Variants in PCBD2 observed in about 807,000 individuals in gnomAD.
PCBD2 encodes pterin-4 alpha-carbinolamine dehydratase 2, also known as pterin-4-alpha-carbinolamine dehydratase 2.
PCBD2 carries 12 observed loss-of-function variants against 16.4 expected under a neutral mutation model. That is an observed-to-expected ratio of 0.73 (90% CI 0.47 to 1.19). The LOEUF (loss-of-function observed/expected upper bound fraction) is 1.19. PCBD2 is among the 50% of genes most tolerant of loss of function. PCBD2 has a pLI of 0.00. For synonymous variants in PCBD2, 58 were observed against 61.8 expected (o/e 0.94, Z 0.29); for missense variants, 138 against 156.8 (o/e 0.88, Z 0.64).
chr5:134,938,600 A>G (rs1355146976), intron 2 of PCBD2, among the ~76,000 whole-genome samples: 1 of 152,184 alleles, frequency 6.6e-6, no homozygotes, highest in African/African-American at 2.4e-5. Context: ...AGTTTGACTT[A>G]GAATGGAAAT....
chr5:134,923,605 G>A (rs74456169), intron 2 of PCBD2: 1 of 356,816 alleles, frequency 2.8e-6, no homozygotes, highest in East Asian at 4.1e-5. Context: ...GCGGATAGCA[G>A]GTTTGTAATT....
At chr5:134,922,230 A>G (rs1478901658) in intron 2 of PCBD2, among the ~76,000 whole-genome samples, 1 of 151,966 alleles carries the variant, frequency 6.6e-6, no homozygotes, top group Non-Finnish European at 1.5e-5. Context: ...GTTTTTAGAG[A>G]TGGGGTCTTG....
intron 2 of PCBD2, among the ~76,000 whole-genome samples, chr5:134,935,511 T>C (rs1324926318): frequency 6.6e-6 from 1 of 152,232 alleles, no homozygotes; most frequent in Non-Finnish European, 1.5e-5. Flanking sequence ...CATTTATGAA[T>C]GCAATAATGA....
At position 134,906,194 on chromosome 5, in the gene PCBD2, ATTTTTTT is replaced by A. The variant is rs1158334317; in HGVS notation, c.84+992_84+998del. Among the ~76,000 whole-genome samples the A allele has an allele frequency of 1.4e-3, 90 of 66,526 alleles. 1 individual carries two copies. Among genetic ancestry groups the A allele is most frequent in the African/African-American group, 5.7e-3 (83 of 14,666 alleles). The allele number at this position is 66,526 out of a possible 152,430, so 43.6% of individuals were successfully genotyped here. On this transcript the variant is annotated intron_variant, in intron 1 of 3. Coordinates refer to ENST00000254908, the MANE Select transcript of PCBD2 (RefSeq NM_032151.5). ...TGGCCTGAAATTCTTTAATAGAAGA[ATTTTTTT>A]TTTTTTTTTTTTTTTTTTTTGAGAA...
At chr5:134,914,925 G>A (rs1343912237) in intron 2 of PCBD2, among the ~76,000 whole-genome samples, 2 of 152,142 alleles carry the variant, frequency 1.3e-5, no homozygotes, top group South Asian at 4.2e-4. Context: ...TGCCCGCCTC[G>A]GCCTACCAAA....
At chr5:134,941,540 G>T (rs918640639) in intron 2 of PCBD2, among the ~76,000 whole-genome samples, 1 of 152,034 alleles carries the variant, frequency 6.6e-6, no homozygotes, top group Non-Finnish European at 1.5e-5. Context: ...AGATATATTT[G>T]GTATACATGT....
rs58911694 is a variant in PCBD2 at position 134,962,072 on chromosome 5, T to TTGTGTGTGTGTGTGTGTGTG, written c.*1407_*1426dup. Reference sequence around the variant, plus strand: ...CATTGCCCCCAGCCAGTATAACAGTTTGTGTGTGTGTGTGTGTGTGTGTGT... The same window carrying TTGTGTGTGTGTGTGTGTGTG: ...CATTGCCCCCAGCCAGTATAACAGTTTGTGTGTGTGTGTGTGTGTGTGTGTGTGTGTGTGTGTGTGTGTGT... On this transcript the variant is annotated 3_prime_UTR_variant, in exon 4 of 4. Transcript: ENST00000254908. Among the ~76,000 whole-genome samples the TTGTGTGTGTGTGTGTGTGTG allele has an allele frequency of 2.5e-3, 351 of 140,572 alleles. No homozygotes were observed. Among genetic ancestry groups the TTGTGTGTGTGTGTGTGTGTG allele is most frequent in the African/African-American group, 8.9e-3 (331 of 37,044 alleles). The allele number at this position is 140,572 out of a possible 152,430, so 92.2% of individuals were successfully genotyped here. A position where few individuals can be genotyped will look rare whatever the true frequency, so the allele number is the denominator to read the frequency against.
intron 2 of PCBD2, among the ~76,000 whole-genome samples, chr5:134,932,567 C>T (rs1561911420): frequency 6.6e-6 from 1 of 152,140 alleles, no homozygotes. Context: ...GTCTTGAACT[C>T]CTGACCTCAA....
chr5:134,949,433 T>C (rs1448326664), intron 2 of PCBD2, among the ~76,000 whole-genome samples: 1 of 152,172 alleles, frequency 6.6e-6, no homozygotes, highest in East Asian at 1.9e-4. Context: ...GTATATTACA[T>C]GAATTAGCTC....
At chr5:134,928,011 A>G (rs17165405) in intron 2 of PCBD2, 56,406 of 395,698 alleles carry the variant, frequency 0.14, 4,966 homozygotes, top group East Asian at 0.35. Flanking sequence ...TAGTAATATA[A>G]TTGTTGGGAC....
At position 134,910,455 on chromosome 5, in the gene PCBD2, A is replaced by G. The variant is rs535932812; in HGVS notation, c.205A>G (p.Asn69Asp). The G allele has an allele frequency of 9.3e-6, 15 of 1,614,138 alleles. No homozygotes were observed. The highest frequency in any genetic ancestry group is 1.3e-5 in the Non-Finnish European group (15 of 1,179,974). The part of the protein sequence containing the change: ...DAIYKEFSFH[N>D]FNQAFGFMSR... ...CATCTACAAAGAATTCTCCTTCCACAATTTTAATCAGGTAATTGTTATAAA... is the reference window on the plus strand; with the variant it reads ...CATCTACAAAGAATTCTCCTTCCACGATTTTAATCAGGTAATTGTTATAAA... The change falls in exon 2 of 4, where the codon AAT (asparagine) becomes GAT (aspartate). Residue 69 changes from asparagine to aspartate, a missense_variant. By Grantham distance (23) the Asn-to-Asp change is conservative (BLOSUM62 1). Transcript: ENST00000254908.
intron 2 of PCBD2, chr5:134,926,742 C>T (rs1003318187): frequency 7.6e-6 from 3 of 397,062 alleles, no homozygotes; most frequent in Middle Eastern, 6.2e-4. Flanking sequence ...AGTGTTTTCT[C>T]GTGTGAATGA....
At chr5:134,940,436 T>A (rs866273212) in intron 2 of PCBD2, among the ~76,000 whole-genome samples, 1,696 of 152,032 alleles carry the variant, frequency 0.011, 17 homozygotes, top group African/African-American at 0.036. Flanking sequence ...CATATATATT[T>A]TTTTTTTTAA....
chr5:134,947,545 G>A (rs978213936), intron 2 of PCBD2, among the ~76,000 whole-genome samples: 1 of 151,746 alleles, frequency 6.6e-6, no homozygotes, highest in African/African-American at 2.4e-5. Context: ...CCACTACCAC[G>A]CCTGGCTAAT....
chr5:134,910,342 G>T lies in PCBD2; in HGVS notation c.92G>T (p.Gly31Val). 6.2e-7 allele frequency: 1 copy of T among 1,613,822 alleles called. No homozygotes were observed. Among genetic ancestry groups the T allele is most frequent in the Non-Finnish European group, 8.5e-7 (1 of 1,179,862 alleles). ...QSLGLAAMSS[G>V]THRLTAEERN... ...AATGTGTTCTCTTCATAGTCATCAG[G>T]TACTCACAGGTTGACTGCAGAGGAG... The change falls in exon 2 of 4, where the codon GGT (glycine) becomes GTT (valine). Residue 31 changes from glycine (G) to valine (V), a missense_variant. Gly to Val is a moderately radical substitution (Grantham distance 109). Coordinates refer to ENST00000254908, the MANE Select transcript of PCBD2 (RefSeq NM_032151.5).
rs1456878257 is a variant in PCBD2 at position 134,960,643 on chromosome 5, C to T, written c.355C>T (p.Leu119=). 2 of 1,613,508 alleles carry T rather than the reference C, an allele frequency of 1.2e-6. No individual in the cohort carries two copies. The highest frequency in any genetic ancestry group is 1.7e-6 in the Non-Finnish European group (2 of 1,179,446). ...CGELTKKDVK[L]AKFIEKAAAS... ...TGAACTGACCAAAAAAGATGTGAAG[C>T]TGGCCAAGTTTATTGAAAAAGCAGC... is the stretch of plus-strand genomic sequence containing the variant. Residue 119 remains leucine (L), a synonymous_variant, in exon 4 of 4, where the codon CTG becomes TTG. Transcript: ENST00000254908.
At chr5:134,913,815 T>C (rs1451475188) in intron 2 of PCBD2, among the ~76,000 whole-genome samples, 1 of 152,064 alleles carries the variant, frequency 6.6e-6, no homozygotes, top group Non-Finnish European at 1.5e-5. Flanking sequence ...TAATCAAGAC[T>C]TGCTGAATGA....
chr5:134,928,478 A>G (rs1029016525), intron 2 of PCBD2: 21 of 316,440 alleles, frequency 6.6e-5, no homozygotes, highest in African/African-American at 4.5e-4. Context: ...CGATGTGACT[A>G]TTAGTGGTAA....
At position 134,927,592 on chromosome 5, in the gene PCBD2, A is replaced by T. The variant is rs1751028167; in HGVS notation, c.216+17126A>T. The T allele has an allele frequency of 2.5e-5, 10 of 396,596 alleles. No individual in the cohort carries two copies. The East Asian group carries it at 3.6e-4, about 14-fold the overall frequency. 24.6% of individuals were successfully genotyped at this position (396,596 alleles called of 1,614,324 possible). A position where few individuals can be genotyped will look rare whatever the true frequency, so the allele number is the denominator to read the frequency against. On this transcript the variant is annotated intron_variant, in intron 2 of 3. Coordinates refer to ENST00000254908, the MANE Select transcript of PCBD2 (RefSeq NM_032151.5). ...GAGCCTACTAGGGTGTAGAATAGGA[A>T]GTATGTACCTGCGTTCAGGCGTTCT...
Sources: allele counts gnomAD v4.1 joint callset (sites outside exome capture counted in the v4.1 genomes callset), GRCh38; gene constraint gnomAD v4.1.1; transcripts MANE v1.5; gene names NCBI Gene and HGNC (gene_info 2026-07-23, HGNC 2026-07-21).